The following ANK2 variants were observed in gnomAD, a reference collection of about 807,000 sequenced individuals.
ANK2 encodes the protein ankyrin 2.
In ANK2, 83 loss-of-function variants were observed where a neutral mutation model predicts 360.5. The ratio of observed to expected loss-of-function variants is 0.23; its 90% confidence interval spans 0.19 to 0.28. ANK2 has a LOEUF of 0.28. Among genes scored for constraint, ANK2 ranks in the 10% least tolerant of loss-of-function variants. The probability of loss-of-function intolerance (pLI) is 1.00; values close to 1 mark genes in which losing one functional copy is unlikely to be tolerated. For missense variants in ANK2, 4,201 were observed against 4,795.7 expected (o/e 0.88, Z 3.66); for synonymous variants, 1,740 against 1,759.5 (o/e 0.99, Z 0.28).
chr4:112,716,141 C>A, the ANK2 span, among the ~76,000 whole-genome samples: 2 of 152,134 alleles, frequency 1.3e-5, no homozygotes, highest in Non-Finnish European at 1.5e-5. Flanking sequence ...GTTTGCACAG[C>A]CCCCCTAGTT....
chr4:112,789,698 A>G, the ANK2 span, among the ~76,000 whole-genome samples: 1 of 152,168 alleles, frequency 6.6e-6, no homozygotes, highest in Non-Finnish European at 1.5e-5. Context: ...ATTCTAGTAA[A>G]TCTGTGCCAG....
At chr4:112,777,779 G>T in the ANK2 span, among the ~76,000 whole-genome samples, 3 of 150,694 alleles carry the variant, frequency 2.0e-5, no homozygotes, top group African/African-American at 7.3e-5. Context: ...CACCACACCC[G>T]GCTAATTTTT....
intron 2 of ANK2, among the ~76,000 whole-genome samples, chr4:112,973,983 T>C (rs1459150482): frequency 1.3e-5 from 2 of 152,244 alleles, no homozygotes; most frequent in Non-Finnish European, 2.9e-5. Flanking sequence ...AGCAGTGCTG[T>C]ACACTGACCT....
intron 2 of ANK2, among the ~76,000 whole-genome samples, chr4:113,029,513 G>A (rs2059957972): frequency 6.6e-6 from 1 of 152,064 alleles, no homozygotes; most frequent in Non-Finnish European, 1.5e-5. Flanking sequence ...TTACAGGCGT[G>A]AGCCACTGCG....
chr4:113,093,603 G>C (rs1046792149), intron 1 of ANK2, among the ~76,000 whole-genome samples: 12 of 152,176 alleles, frequency 7.9e-5, no homozygotes, highest in African/African-American at 2.9e-4. Flanking sequence ...GCCTTCCAAA[G>C]TGTTGGGATT....
intron 1 of ANK2, among the ~76,000 whole-genome samples, chr4:112,852,908 G>T (rs536617252): frequency 9.9e-5 from 15 of 152,284 alleles, no homozygotes; most frequent in African/African-American, 3.6e-4. Context: ...AAACATTTGG[G>T]TGCATGTAAT....
chr4:113,378,072 C>T, intron 45 of ANK2: 1 of 1,197,272 alleles, frequency 8.4e-7, no homozygotes, highest in Admixed American at 2.4e-5. Flanking sequence ...TTTGTCTTTT[C>T]TTTTCTTCTT....
chr4:113,098,693 T>A (rs1283669064), intron 1 of ANK2, among the ~76,000 whole-genome samples: 1 of 151,956 alleles, frequency 6.6e-6, no homozygotes, highest in African/African-American at 2.4e-5. Flanking sequence ...ATGAGGCTGG[T>A]ATAACCCTAA....
chr4:112,776,029 C>T, the ANK2 span, among the ~76,000 whole-genome samples: 8 of 152,222 alleles, frequency 5.3e-5, no homozygotes, highest in South Asian at 4.1e-4. Flanking sequence ...CTAACTACTA[C>T]GTTCTGAGAA....
chr4:113,010,965 C>G (rs939622792), intron 2 of ANK2, among the ~76,000 whole-genome samples: 2 of 152,032 alleles, frequency 1.3e-5, no homozygotes, highest in African/African-American at 4.8e-5. Context: ...TCTAGTGAAG[C>G]AAGAATAATC....
chr4:113,229,265 G>C (rs1342617718), intron 4 of ANK2, among the ~76,000 whole-genome samples: 1 of 152,170 alleles, frequency 6.6e-6, no homozygotes, highest in Non-Finnish European at 1.5e-5. Flanking sequence ...TCCTTCCGGA[G>C]GCTCTAGGTG....
chr4:112,723,164 T>TG, the ANK2 span, among the ~76,000 whole-genome samples: 1 of 152,272 alleles, frequency 6.6e-6, no homozygotes, highest in East Asian at 1.9e-4. Context: ...CTCACGAACC[T>TG]GGAATTAAGT....
chr4:113,151,219 C>A, intron 1 of ANK2: 2 of 1,042,904 alleles, frequency 1.9e-6, no homozygotes, highest in Non-Finnish European at 2.6e-6. Flanking sequence ...GGAATGTACC[C>A]TTACTGCAAT....
At chr4:113,033,277 A>G (rs1044446137) in intron 2 of ANK2, among the ~76,000 whole-genome samples, 1 of 152,006 alleles carries the variant, frequency 6.6e-6, no homozygotes, top group South Asian at 2.1e-4. Flanking sequence ...TAACCTTCTT[A>G]TTTTAGAAAT....
At chr4:112,819,677 T>C (rs1360523334) in intron 1 of ANK2, among the ~76,000 whole-genome samples, 1 of 152,152 alleles carries the variant, frequency 6.6e-6, no homozygotes, top group Non-Finnish European at 1.5e-5. Flanking sequence ...ACAGTTCTAA[T>C]TCATCTTTTG....
rs147168095 is a variant in ANK2 at position 113,102,497 on chromosome 4, C to T, written c.84+52685C>T. Among the ~76,000 whole-genome samples, 132 of 152,082 alleles carry T rather than the reference C, an allele frequency of 8.7e-4. 1 individual carries two copies. Among genetic ancestry groups the T allele is most frequent in the African/African-American group, 3.0e-3 (123 of 41,466 alleles). On this transcript the variant is annotated intron_variant, in intron 1 of 45. Transcript: ENST00000357077. ...GGGAGCAGATGCTGCTGGTGGGGCG[C>T]ATGTATAGGCTAAGAAGAGAGGAAG...
rs1395939268 is a variant in ANK2, at chr4:113,213,959, T to TA, written c.384+14850_384+14851insA. 8.2e-3 allele frequency: 4,029 copies of TA among 489,190 alleles called. 408 individuals carry two copies. In the African/African-American group the frequency reaches 0.085, roughly 10 times the overall value. The allele number at this position is 489,190 out of a possible 1,614,324, so 30.3% of individuals were successfully genotyped here. ...CGACAAAATGCTGTTTTATTTATTT[T>TA]TTTTTTTTATTTTTTTTTTAAGTAC... is the stretch of plus-strand genomic sequence containing the variant. On this transcript the variant is annotated intron_variant, in intron 4 of 45. Coordinates refer to ENST00000357077, the MANE Select transcript of ANK2 (RefSeq NM_001148.6).
chr4:113,158,950 G>C (rs1325960240), intron 1 of ANK2, among the ~76,000 whole-genome samples: 1 of 151,960 alleles, frequency 6.6e-6, no homozygotes, highest in Non-Finnish European at 1.5e-5. Flanking sequence ...AGTAATTAAA[G>C]CTAGCGTAAT....
intron 1 of ANK2, among the ~76,000 whole-genome samples, chr4:113,085,054 T>C (rs779860257): frequency 1.3e-5 from 2 of 152,242 alleles, no homozygotes; most frequent in Non-Finnish European, 2.9e-5. Flanking sequence ...CCTGTAATGT[T>C]CTTTTCATTA....
Sources: allele counts gnomAD v4.1 joint callset (sites outside exome capture counted in the v4.1 genomes callset), GRCh38; gene constraint gnomAD v4.1.1; transcripts MANE v1.5; gene names NCBI Gene and HGNC (gene_info 2026-07-23, HGNC 2026-07-21).